The following ANO3 variants were observed in gnomAD, a reference collection of about 807,000 sequenced individuals.
ANO3 encodes anoctamin-3.
In ANO3, 99 loss-of-function variants were observed where a neutral mutation model predicts 144.8. The ratio of observed to expected loss-of-function variants is 0.68; its 90% CI spans 0.58 to 0.81. ANO3 has a LOEUF of 0.81. Ranked by LOEUF, ANO3 falls within the 30% of genes least tolerant of loss-of-function variation. The pLI is 0.00. For synonymous variants in ANO3, 414 were observed against 392.6 expected, an observed-to-expected ratio of 1.05 and a Z score of -0.64; for missense variants, 905 against 1,202.2, an observed-to-expected ratio of 0.75 and a Z score of 3.66.
At chr11:26,338,226 G>T (rs1016430059) in intron 1 of ANO3, among the ~76,000 whole-genome samples, 10 of 152,124 alleles carry the variant, frequency 6.6e-5, no homozygotes, top group East Asian at 1.9e-4. Flanking sequence ...GGAACTTGGA[G>T]AACTTTTCTG....
rs925894308 is a variant in ANO3 at position 26,351,247 on chromosome 11, T to C, written c.46+18926T>C. The stretch of plus-strand genomic sequence containing the variant: ...TTTCCATGGGTACATTCTATTTTTT[T>C]CTTCAACAGTTTGAATATCTGCCAA... On this transcript the variant is annotated intron_variant, in intron 1 of 26. Transcript: ENST00000256737. Among the ~76,000 whole-genome samples the C allele has an allele frequency of 8.5e-5, 13 of 152,192 alleles. No individual in the cohort carries two copies. The South Asian group carries it at 2.7e-3, about 32-fold the overall frequency.
intron 4 of ANO3, among the ~76,000 whole-genome samples, chr11:26,504,868 C>T (rs1201900229): frequency 2.2e-4 from 33 of 151,760 alleles, no homozygotes; most frequent in Admixed American, 1.2e-3. Flanking sequence ...AAAAATTAGC[C>T]GGGCGTGGTG....
chr11:26,534,395 T>C lies in ANO3; in HGVS notation c.870-61T>C. ...TATGCATTAGCTTTAATGGAACTTG[T>C]AACTATTGCTGGATTCTGTGTTCTG... On this transcript the variant is annotated intron_variant, in intron 8 of 26. Coordinates refer to ENST00000256737, the MANE Select transcript of ANO3 (RefSeq NM_031418.4). 6 of 1,112,088 alleles carry C rather than the reference T, an allele frequency of 5.4e-6. No homozygotes were observed. The South Asian group carries it at 8.4e-5, about 16-fold the overall frequency. 68.9% of individuals were successfully genotyped at this position (1,112,088 alleles called of 1,614,324 possible). A position where few individuals can be genotyped will look rare whatever the true frequency, so the allele number is the denominator to read the frequency against.
At chr11:26,459,143 G>T (rs997448775) in intron 3 of ANO3, among the ~76,000 whole-genome samples, 3 of 152,196 alleles carry the variant, frequency 2.0e-5, no homozygotes, top group African/African-American at 7.2e-5. Context: ...CAGCTGGATT[G>T]GAGGGCATGA....
intron 18 of ANO3, among the ~76,000 whole-genome samples, chr11:26,625,376 C>T (rs578206834): frequency 3.9e-5 from 6 of 152,114 alleles, no homozygotes; most frequent in Non-Finnish European, 8.8e-5. Context: ...TTAATGTTCC[C>T]TGCAGTGCCC....
At chr11:26,268,806 C>A (rs549250031) in intron 1 of ANO3, among the ~76,000 whole-genome samples, 1 of 152,164 alleles carries the variant, frequency 6.6e-6, no homozygotes, top group East Asian at 1.9e-4. Context: ...CTTAATTGCC[C>A]CACACAACAC....
chr11:26,338,302 G>A (rs963413493), intron 1 of ANO3, among the ~76,000 whole-genome samples: 1 of 152,142 alleles, frequency 6.6e-6, no homozygotes, highest in African/African-American at 2.4e-5. Context: ...AGCACTCTGT[G>A]TCTAGCTAAA....
intron 1 of ANO3, among the ~76,000 whole-genome samples, chr11:26,438,609 G>GAAAAAAAAAAAAAAA (rs1222012718): frequency 1.4e-5 from 1 of 73,302 alleles, no homozygotes; most frequent in Non-Finnish European, 2.4e-5. Context: ...AAAAAAAAAA[G>GAAAAAAAAAAAAAAA]AAAAAAAAAA....
chr11:26,344,118 T>C (rs1369274053), intron 1 of ANO3, among the ~76,000 whole-genome samples: 1 of 152,162 alleles, frequency 6.6e-6, no homozygotes, highest in Non-Finnish European at 1.5e-5. Context: ...GCAGTAGTAA[T>C]TTCTGATTAT....
At chr11:26,269,165 C>T (rs1055340604) in intron 1 of ANO3, among the ~76,000 whole-genome samples, 1 of 152,162 alleles carries the variant, frequency 6.6e-6, no homozygotes, top group African/African-American at 2.4e-5. Context: ...CTTCAGGACT[C>T]AGCTCCCTCC....
Position 26,230,797 on chromosome 11 carries a change from C to CAA in ANO3, c.154+41507_154+41508dup, listed in dbSNP as rs1168180646. On this transcript the variant is annotated intron_variant, in intron 1 of 27. Transcript: ENST00000672621. ...GGGTGACAGAGCATGACTCCATCTC[C>CAA]AAAAAAAAAAAAAAAAAAAAAAAAA... Among the ~76,000 whole-genome samples, 23 of 11,334 alleles carry CAA rather than the reference C, an allele frequency of 2.0e-3. 1 individual carries two copies. Among genetic ancestry groups the CAA allele is most frequent in the South Asian group, 7.0e-3 (1 of 142 alleles). The allele number at this position is 11,334 out of a possible 152,430, so 7.4% of individuals were successfully genotyped here.
In ANO3 at chr11:26,624,446, T is replaced by C. The variant is rs1176415750; in HGVS notation, c.1837-16T>C. On this transcript the variant is annotated splice_polypyrimidine_tract_variant and intron_variant, in intron 17 of 26. Coordinates refer to ENST00000256737, the MANE Select transcript of ANO3 (RefSeq NM_031418.4). ...AGAGAGGAATAATGTTCACTATGTA[T>C]TCTCTTTTATTACAGGCTTATGAAA... 6.3e-7 allele frequency: 1 copy of C among 1,584,650 alleles called. No individual in the cohort carries two copies. The highest frequency in any genetic ancestry group is 8.7e-7 in the Non-Finnish European group (1 of 1,155,230).
At chr11:26,459,591 T>TACAC (rs375014872) in intron 3 of ANO3, among the ~76,000 whole-genome samples, 1 of 151,004 alleles carries the variant, frequency 6.6e-6, no homozygotes. Context: ...GGAAAAAATG[T>TACAC]ACACACACAC....
At chr11:26,275,446 G>A (rs1853536547) in intron 1 of ANO3, among the ~76,000 whole-genome samples, 1 of 152,086 alleles carries the variant, frequency 6.6e-6, no homozygotes, top group Admixed American at 6.6e-5. Context: ...TGGTAGCCAT[G>A]AGGTGCCTGA....
At chr11:26,565,760 C>T in intron 14 of ANO3, 1 of 1,613,292 alleles carries the variant, frequency 6.2e-7, no homozygotes, top group African/African-American at 1.3e-5. Context: ...CTGCAATGTT[C>T]TGTGTTGTGT....
intron 4 of ANO3, among the ~76,000 whole-genome samples, chr11:26,472,580 A>G (rs167155): frequency 0.018 from 2,743 of 152,026 alleles, 78 homozygotes; most frequent in African/African-American, 0.063. Flanking sequence ...AAACCATGAG[A>G]CAAGTGAATT....
chr11:26,499,291 G>C (rs1442676872), intron 4 of ANO3, among the ~76,000 whole-genome samples: 2 of 151,422 alleles, frequency 1.3e-5, no homozygotes, highest in Non-Finnish European at 3.0e-5. Flanking sequence ...GCTTTTATTT[G>C]AATGTAATTG....
chr11:26,637,711 C>T (rs774198828), intron 20 of ANO3, among the ~76,000 whole-genome samples: 1 of 152,174 alleles, frequency 6.6e-6, no homozygotes, highest in Non-Finnish European at 1.5e-5. Context: ...TTTGCAAATC[C>T]TCTCTCAGGC....
intron 26 of ANO3, among the ~76,000 whole-genome samples, chr11:26,658,606 G>A (rs777475066): frequency 7.3e-5 from 11 of 151,504 alleles, no homozygotes; most frequent in South Asian, 4.1e-4. Flanking sequence ...GTGAAACTCC[G>A]TCCAAAAAAA....
Sources: gnomAD v4.1 joint callset for allele counts (sites outside exome capture counted in the v4.1 genomes callset) on GRCh38, gnomAD v4.1.1 for gene constraint, MANE v1.5 for transcripts, NCBI Gene and HGNC (gene_info 2026-07-23, HGNC 2026-07-21) for gene names.